The following WASL variants were observed in gnomAD, a reference collection of about 807,000 sequenced individuals.
WASL encodes WASP like actin nucleation promoting factor, also known as actin nucleation-promoting factor WASL.
WASL carries 20 observed loss-of-function variants against 55.5 expected under a neutral mutation model. The ratio of observed to expected loss-of-function variants is 0.36; its 90% CI spans 0.25 to 0.52. The LOEUF (loss-of-function observed/expected upper bound fraction) is 0.52, where lower values mean the gene tolerates loss of function less well. Ranked by LOEUF, WASL falls within the 20% of genes least tolerant of loss-of-function variation. The probability of loss-of-function intolerance (pLI) is 0.92; values close to 1 mark genes in which losing one functional copy is unlikely to be tolerated. For synonymous variants in WASL, 249 were observed against 217.6 expected, an observed-to-expected ratio of 1.14 and a Z score of -1.27; for missense variants, 504 against 622.5, an observed-to-expected ratio of 0.81 and a Z score of 2.03.
intron 1 of WASL, among the ~76,000 whole-genome samples, chr7:123,714,255 G>T: frequency 6.6e-6 from 1 of 152,098 alleles, no homozygotes; most frequent in Non-Finnish European, 1.5e-5. Context: ...GTGAGTATCA[G>T]TAAGAACTAT....
intron 1 of WASL, among the ~76,000 whole-genome samples, chr7:123,725,550 G>A (rs1370129739): frequency 6.6e-6 from 1 of 151,138 alleles, no homozygotes; most frequent in African/African-American, 2.4e-5. Flanking sequence ...TTCCTCATTA[G>A]AATCCCAAAT....
At chr7:123,743,415 TAA>T (rs1411401855) in intron 1 of WASL, among the ~76,000 whole-genome samples, 2 of 151,738 alleles carry the variant, frequency 1.3e-5, no homozygotes, top group Non-Finnish European at 2.9e-5. Context: ...CAGGAACTCC[TAA>T]CTTTTTCATC....
intron 7 of WASL, among the ~76,000 whole-genome samples, chr7:123,695,325 T>C (rs1477400109): frequency 6.6e-6 from 1 of 152,140 alleles, no homozygotes; most frequent in Non-Finnish European, 1.5e-5. Flanking sequence ...TAACTAAAAA[T>C]ATTTTTTACT....
intron 10 of WASL, among the ~76,000 whole-genome samples, chr7:123,685,810 T>A (rs193288722): frequency 1.3e-5 from 2 of 148,794 alleles, no homozygotes; most frequent in Non-Finnish European, 3.0e-5. Flanking sequence ...TATCTATATA[T>A]AAAATATGTA....
intron 1 of WASL, among the ~76,000 whole-genome samples, chr7:123,735,787 G>A (rs2116821027): frequency 6.6e-6 from 1 of 152,124 alleles, no homozygotes; most frequent in Non-Finnish European, 1.5e-5. Context: ...AGGAGGACAG[G>A]GAGGAAAAAA....
intron 1 of WASL, among the ~76,000 whole-genome samples, chr7:123,738,579 C>T (rs1029889669): frequency 1.3e-5 from 2 of 152,150 alleles, no homozygotes; most frequent in African/African-American, 2.4e-5. Context: ...TTTTTCTTCA[C>T]GTTTCTGGTA....
In WASL at chr7:123,696,319, T is replaced by C. The variant is rs370267773; in HGVS notation, c.629+260A>G. Among the ~76,000 whole-genome samples the C allele has an allele frequency of 2.0e-5, 3 of 152,030 alleles. No homozygotes were observed. In the South Asian group the frequency reaches 6.2e-4, roughly 32 times the overall value. ...AATCATTTTTATGTTCAATAATTAG[T>C]TGAAGAAACAACTTTATCTAATTTT... is the stretch of plus-strand genomic sequence containing the variant. On this transcript the variant is annotated intron_variant, in intron 6 of 10. Transcript: ENST00000223023.
chr7:123,728,664 G>A (rs1199877742), intron 1 of WASL, among the ~76,000 whole-genome samples: 1 of 151,984 alleles, frequency 6.6e-6, no homozygotes, highest in East Asian at 1.9e-4. Context: ...ACACAGTGAA[G>A]CCCCATCTCT....
chr7:123,725,249 C>T (rs1283873219), intron 1 of WASL, among the ~76,000 whole-genome samples: 1 of 152,098 alleles, frequency 6.6e-6, no homozygotes, highest in African/African-American at 2.4e-5. Context: ...TATTGTGGTA[C>T]ACAAACTGTA....
At position 123,682,975 on chromosome 7, in the gene WASL, CTTATGATAACTA is replaced by C. The variant is rs542411390; in HGVS notation, c.*1532_*1543del. 1.4e-3 allele frequency: 220 copies of C among 152,102 alleles called. No individual in the cohort carries two copies. The highest frequency in any genetic ancestry group is 5.1e-3 in the African/African-American group (210 of 41,516). 9.4% of individuals were successfully genotyped at this position (152,102 alleles called of 1,614,324 possible). On this transcript the variant is annotated 3_prime_UTR_variant, in exon 11 of 11. Transcript: ENST00000223023. ...AGCAACAAAACCTTTTAAATTATTTCTTATGATAACTAGATGCATGATCACTAGAGATTATGT... is the reference window on the plus strand; with the variant it reads ...AGCAACAAAACCTTTTAAATTATTTCGATGCATGATCACTAGAGATTATGT...
chr7:123,725,236 CATT>C (rs1271304854), intron 1 of WASL, among the ~76,000 whole-genome samples: 1 of 152,156 alleles, frequency 6.6e-6, no homozygotes, highest in Admixed American at 6.6e-5. Flanking sequence ...ATCTTTTACA[CATT>C]ATTGTGGTAC....
At chr7:123,689,528 C>T (rs11979929) in intron 9 of WASL, among the ~76,000 whole-genome samples, 152,352 of 152,352 alleles carry the variant, frequency 1, 76,176 homozygotes, top group Non-Finnish European at 1. Context: ...GAGGTTAATA[C>T]TTAGACTCCA....
chr7:123,726,014 T>C (rs1302407464), intron 1 of WASL, among the ~76,000 whole-genome samples: 1 of 152,226 alleles, frequency 6.6e-6, no homozygotes, highest in Admixed American at 6.5e-5. Flanking sequence ...ATCTAAAGCA[T>C]ATTTTTTAAA....
chr7:123,701,676 G>A (rs1012849611), intron 5 of WASL, among the ~76,000 whole-genome samples: 1 of 152,186 alleles, frequency 6.6e-6, no homozygotes, highest in Non-Finnish European at 1.5e-5. Flanking sequence ...AGCTACTGGA[G>A]GACATGGTCC....
chr7:123,682,397 T>A lies in WASL; in HGVS notation c.*2122A>T, dbSNP rs182201918. ...AGACTTTTTGTAACAACAACCAATG[T>A]CTTTTTCTTCTTTAAGAAAAAAAGA... On this transcript the variant is annotated 3_prime_UTR_variant, in exon 11 of 11. Coordinates refer to ENST00000223023, the MANE Select transcript of WASL (RefSeq NM_003941.4). 4 of 152,272 alleles carry A rather than the reference T, an allele frequency of 2.6e-5. No homozygotes were observed. The highest frequency in any genetic ancestry group is 7.2e-5 in the African/African-American group (3 of 41,560). 9.4% of individuals were successfully genotyped at this position (152,272 alleles called of 1,614,324 possible).
rs1191999623 is a variant in WASL at position 123,706,325 on chromosome 7, A to AT, written c.387dup (p.Phe130IlefsTer17). 1.2e-6 allele frequency: 2 copies of AT among 1,613,456 alleles called. No homozygotes were observed. Among genetic ancestry groups the AT allele is most frequent in the African/African-American group, 2.7e-5 (2 of 74,856 alleles). On this transcript the variant is annotated frameshift_variant, in exon 4 of 11. Coordinates refer to ENST00000223023, the MANE Select transcript of WASL (RefSeq NM_003941.4). LOFTEE classifies it high-confidence loss of function. Reference sequence around the variant, plus strand: ...AAAAGGTCTGTAACTGCTTTTCGAAATTTTTTTGCTTCTTCTTCATTGGCA... The same window carrying AT: ...AAAAGGTCTGTAACTGCTTTTCGAAATTTTTTTTGCTTCTTCTTCATTGGCA...
intron 1 of WASL, among the ~76,000 whole-genome samples, chr7:123,740,221 A>G (rs576762749): frequency 6.6e-6 from 1 of 151,254 alleles, no homozygotes; most frequent in East Asian, 1.9e-4. Flanking sequence ...ATTATCTTTT[A>G]TATATATATC....
chr7:123,694,184 T>G (rs1803457009), intron 8 of WASL, among the ~76,000 whole-genome samples: 1 of 152,154 alleles, frequency 6.6e-6, no homozygotes, highest in African/African-American at 2.4e-5. Flanking sequence ...TTTACTGCAA[T>G]AATTATTAAG....
chr7:123,685,921 G>T (rs1803280481), intron 10 of WASL, among the ~76,000 whole-genome samples: 1 of 148,186 alleles, frequency 6.7e-6, no homozygotes, highest in Non-Finnish European at 1.5e-5. Flanking sequence ...ACCCATGAAG[G>T]CCAAGTATAT....
Sources: gnomAD v4.1 joint callset for allele counts (sites outside exome capture counted in the v4.1 genomes callset) on GRCh38, gnomAD v4.1.1 for gene constraint, MANE v1.5 for transcripts, NCBI Gene and HGNC (gene_info 2026-07-23, HGNC 2026-07-21) for gene names.